The following OXCT1 variants were observed in gnomAD, a reference collection of about 807,000 sequenced individuals.
OXCT1 encodes succinyl-CoA:3-ketoacid coenzyme A transferase 1, mitochondrial.
Under a neutral mutation model 69.6 loss-of-function variants are expected in OXCT1, and 27 were observed. The ratio of observed to expected loss-of-function variants is 0.39; its 90% CI spans 0.29 to 0.54. OXCT1 has a LOEUF of 0.54. OXCT1 is among the 20% of genes least tolerant of loss of function. The pLI, the probability that OXCT1 is intolerant of heterozygous loss-of-function variation, is 0.72. For synonymous variants in OXCT1, 202 were observed against 217.8 expected (o/e 0.93, Z 0.64); for missense variants, 437 against 650.2 (o/e 0.67, Z 3.57).
rs1160885598 is a variant in OXCT1, at chr5:41,862,720, G to A, written c.109C>T (p.His37Tyr). The A allele has an allele frequency of 6.8e-6, 11 of 1,611,140 alleles. No individual in the cohort carries two copies. Among genetic ancestry groups the A allele is most frequent in the Non-Finnish European group, 8.5e-6 (10 of 1,177,996 alleles). ...TCTGTATAAAACTTGGTATGGCGAT[G>A]AGCACTGGTGGAAAAGGAACAAACA... Reference protein sequence around the residue: ...GCVCSFSTSAHRHTKFYTDPV... With the variant: ...GCVCSFSTSAYRHTKFYTDPV... Residue 37 changes from histidine to tyrosine, a missense_variant, in exon 2 of 17, where the codon CAT (histidine) becomes TAT (tyrosine). Around this residue, in one of 4 missense-constraint regions of OXCT1, gnomAD observed 79 missense variants for 61.5 expected, o/e 1.28. Coordinates refer to ENST00000196371, the MANE Select transcript of OXCT1 (RefSeq NM_000436.4).
At chr5:41,779,022 T>G (rs1745267120) in intron 13 of OXCT1, among the ~76,000 whole-genome samples, 1 of 152,360 alleles carries the variant, frequency 6.6e-6, no homozygotes, top group Admixed American at 6.5e-5. Context: ...CTCATTAAAA[T>G]AACTCTCCAC....
intron 14 of OXCT1, among the ~76,000 whole-genome samples, chr5:41,754,023 A>G (rs1255189748): frequency 6.6e-6 from 1 of 152,122 alleles, no homozygotes; most frequent in African/African-American, 2.4e-5. Context: ...ACACTTTAGG[A>G]CTGTAGCCCA....
rs555804563 is a variant in OXCT1, at chr5:41,735,451, T to A, written c.1522-3681A>T. 9.6e-4 allele frequency among the ~76,000 whole-genome samples: 146 copies of A among 152,328 alleles called. 1 individual carries two copies. Among genetic ancestry groups the A allele is most frequent in the African/African-American group, 3.5e-3 (144 of 41,580 alleles). On this transcript the variant is annotated intron_variant, in intron 16 of 16. Coordinates refer to ENST00000196371, the MANE Select transcript of OXCT1 (RefSeq NM_000436.4). Reference sequence around the variant, plus strand: ...TGGTTGCCAAAGGCTGTGGAATTAGTGTTTAATGAGTAGTTTCAGAGCTGC... The same window carrying A: ...TGGTTGCCAAAGGCTGTGGAATTAGAGTTTAATGAGTAGTTTCAGAGCTGC...
At chr5:41,831,320 C>G (rs1748085790) in intron 7 of OXCT1, among the ~76,000 whole-genome samples, 1 of 152,168 alleles carries the variant, frequency 6.6e-6, no homozygotes, top group Non-Finnish European at 1.5e-5. Flanking sequence ...CAGTTAGCTG[C>G]AAATCTAGCT....
chr5:41,812,263 T>C (rs773427441), intron 7 of OXCT1, among the ~76,000 whole-genome samples: 1 of 152,016 alleles, frequency 6.6e-6, no homozygotes, highest in Non-Finnish European at 1.5e-5. Context: ...TATATCCTGG[T>C]CTTTGAAGAA....
chr5:41,829,034 T>C (rs1168447856), intron 7 of OXCT1, among the ~76,000 whole-genome samples: 1 of 152,158 alleles, frequency 6.6e-6, no homozygotes, highest in East Asian at 1.9e-4. Flanking sequence ...AAATGTTCTA[T>C]ACAACATGAA....
intron 3 of OXCT1, among the ~76,000 whole-genome samples, chr5:41,859,893 T>TATATATATATATATGTA (rs1749655439): frequency 1.5e-5 from 2 of 131,058 alleles, no homozygotes; most frequent in Non-Finnish European, 3.4e-5. Flanking sequence ...ATATGTAATA[T>TATATATATATATATGTA]ATATATATAT....
chr5:41,850,637 C>A (rs1749132341), intron 4 of OXCT1, among the ~76,000 whole-genome samples: 1 of 151,982 alleles, frequency 6.6e-6, no homozygotes, highest in Non-Finnish European at 1.5e-5. Context: ...TTATTTTAAA[C>A]CATTTTCATA....
At chr5:41,757,668 G>A (rs115579423) in intron 14 of OXCT1, among the ~76,000 whole-genome samples, 18 of 152,062 alleles carry the variant, frequency 1.2e-4, no homozygotes, top group African/African-American at 3.6e-4. Flanking sequence ...TCACAATGTC[G>A]AGAGGACAGA....
At chr5:41,805,195 T>C (rs902058879) in intron 9 of OXCT1, among the ~76,000 whole-genome samples, 7 of 152,026 alleles carry the variant, frequency 4.6e-5, no homozygotes, top group African/African-American at 9.7e-5. Context: ...AATGTCAGGA[T>C]AGACAGAAAG....
At position 41,866,037 on chromosome 5, in the gene OXCT1, G is replaced by A. The variant is rs180952606; in HGVS notation, c.79-3287C>T. ...TGTACAGTAGACCCCCCCCCCCACCGCTTATCCACAGTTTCCCTGAGGTTA... is the reference window on the plus strand; with the variant it reads ...TGTACAGTAGACCCCCCCCCCCACCACTTATCCACAGTTTCCCTGAGGTTA... On this transcript the variant is annotated intron_variant, in intron 1 of 16. Coordinates refer to ENST00000196371, the MANE Select transcript of OXCT1 (RefSeq NM_000436.4). Among the ~76,000 whole-genome samples, 678 of 88,756 alleles carry A rather than the reference G, an allele frequency of 7.6e-3. 4 individuals are homozygous for A. Among genetic ancestry groups the A allele is most frequent in the Middle Eastern group, 0.033 (4 of 120 alleles). The allele number at this position is 88,756 out of a possible 152,430, so 58.2% of individuals were successfully genotyped here.
intron 7 of OXCT1, among the ~76,000 whole-genome samples, chr5:41,810,762 G>T (rs1746939914): frequency 6.6e-6 from 1 of 152,008 alleles, no homozygotes; most frequent in African/African-American, 2.4e-5. Flanking sequence ...GAGAAAAGAG[G>T]AGCTGCAAGG....
intron 15 of OXCT1, among the ~76,000 whole-genome samples, chr5:41,745,358 A>C (rs1278257906): frequency 6.6e-6 from 1 of 152,114 alleles, no homozygotes; most frequent in Non-Finnish European, 1.5e-5. Context: ...ACCAATGAGA[A>C]CAAAGACACA....
At chr5:41,754,130 A>C (rs1743945414) in intron 14 of OXCT1, among the ~76,000 whole-genome samples, 1 of 143,188 alleles carries the variant, frequency 7.0e-6, no homozygotes, top group Admixed American at 7.2e-5. Context: ...CACTTGCCAT[A>C]ATTTGCTGAA....
chr5:41,817,029 G>A (rs1019563780), intron 7 of OXCT1, among the ~76,000 whole-genome samples: 37 of 152,008 alleles, frequency 2.4e-4, no homozygotes, highest in African/African-American at 8.2e-4. Context: ...AAAGCTGATC[G>A]AGGTCCCAAA....
chr5:41,784,952 T>C (rs1474799607), intron 13 of OXCT1, among the ~76,000 whole-genome samples: 1 of 152,216 alleles, frequency 6.6e-6, no homozygotes. Context: ...CTGAAAAATA[T>C]TGGGTGTAAA....
intron 5 of OXCT1, chr5:41,843,518 G>A (rs1467274903): frequency 1.3e-5 from 6 of 455,524 alleles, no homozygotes; most frequent in Non-Finnish European, 2.6e-5. Context: ...TATGTTTATT[G>A]CCTTTTAATT....
At chr5:41,868,061 G>A (rs892311896) in intron 1 of OXCT1, among the ~76,000 whole-genome samples, 3 of 152,216 alleles carry the variant, frequency 2.0e-5, no homozygotes, top group African/African-American at 7.2e-5. Context: ...TAGAAATTCT[G>A]GGGGTGGGTA....
intron 6 of OXCT1, among the ~76,000 whole-genome samples, chr5:41,841,407 C>T (rs1055427741): frequency 6.6e-6 from 1 of 152,110 alleles, no homozygotes; most frequent in African/African-American, 2.4e-5. Context: ...TCAAAAGCTC[C>T]AAGGGCAGAA....
Sources: gnomAD v4.1 joint callset for allele counts (sites outside exome capture counted in the v4.1 genomes callset) on GRCh38, gnomAD v4.1.1 for gene constraint, gnomAD v4.1.1 regional missense constraint, MANE v1.5 for transcripts, NCBI Gene and HGNC (gene_info 2026-07-23, HGNC 2026-07-21) for gene names.